The following NCK1 variants were observed in gnomAD, a reference collection of about 807,000 sequenced individuals.
NCK1 encodes NCK adaptor protein 1, also known as SH2/SH3 adapter protein NCK1.
Under a neutral mutation model 36.6 loss-of-function variants are expected in NCK1, and 19 were observed. That is an observed-to-expected ratio of 0.52 (90% confidence interval 0.36 to 0.76). NCK1 has a LOEUF of 0.76. Among genes scored for constraint, NCK1 ranks in the 30% least tolerant of loss-of-function variants. The pLI, the probability that NCK1 is intolerant of heterozygous loss-of-function variation, is 0.00. For synonymous variants in NCK1, 165 were observed against 156.0 expected, an observed-to-expected ratio of 1.06 and a Z score of -0.43; for missense variants, 358 against 445.6, an observed-to-expected ratio of 0.80 and a Z score of 1.77.
Position 136,949,836 on chromosome 3 carries a change from G to A in NCK1, c.*1383G>A, listed in dbSNP as rs1024964812. 6.3e-5 allele frequency: 5 copies of A among 79,618 alleles called. No homozygotes were observed. The highest frequency in any genetic ancestry group is 1.4e-4 in the Non-Finnish European group (5 of 35,240). The allele number at this position is 79,618 out of a possible 1,614,324, so 4.9% of individuals were successfully genotyped here. Reference sequence around the variant, plus strand: ...TGGTAAAATTGAAGTTGTGTAACTTGTGAATTTTTTTTATCAATGTTTTAA... The same window carrying A: ...TGGTAAAATTGAAGTTGTGTAACTTATGAATTTTTTTTATCAATGTTTTAA... On this transcript the variant is annotated 3_prime_UTR_variant, in exon 4 of 4. Transcript: ENST00000481752.
intron 1 of NCK1, among the ~76,000 whole-genome samples, chr3:136,907,062 G>A (rs964215130): frequency 1.3e-5 from 2 of 152,144 alleles, no homozygotes; most frequent in Non-Finnish European, 2.9e-5. Flanking sequence ...CTTGTTACCG[G>A]GAAGGGTGGG....
chr3:136,863,992 T>G (rs1938332623), intron 1 of NCK1, among the ~76,000 whole-genome samples: 1 of 151,522 alleles, frequency 6.6e-6, no homozygotes, highest in Non-Finnish European at 1.5e-5. Context: ...TCCCAGCTAC[T>G]CGGGAGGCTG....
chr3:136,915,269 A>T (rs1004452246), intron 1 of NCK1, among the ~76,000 whole-genome samples: 10 of 152,204 alleles, frequency 6.6e-5, no homozygotes, highest in Non-Finnish European at 1.3e-4. Context: ...TTGAGAAGAT[A>T]AAAGGGACAT....
chr3:136,903,616 G>A (rs1389309213), intron 1 of NCK1, among the ~76,000 whole-genome samples: 2 of 152,028 alleles, frequency 1.3e-5, no homozygotes, highest in Non-Finnish European at 2.9e-5. Context: ...GTGGAGATGG[G>A]GTTTCACCGT....
chr3:136,904,468 G>C (rs1322374947), intron 1 of NCK1, among the ~76,000 whole-genome samples: 1 of 152,100 alleles, frequency 6.6e-6, no homozygotes, highest in Non-Finnish European at 1.5e-5. Flanking sequence ...TCAGCATTTT[G>C]AATATATCAT....
At chr3:136,923,424 C>A (rs556357468) in intron 1 of NCK1, among the ~76,000 whole-genome samples, 2 of 151,882 alleles carry the variant, frequency 1.3e-5, no homozygotes, top group Non-Finnish European at 2.9e-5. Flanking sequence ...GGCATGGTGG[C>A]GGGCACCTGT....
intron 2 of NCK1, among the ~76,000 whole-genome samples, chr3:136,934,473 A>G (rs1576987295): frequency 2.0e-5 from 3 of 151,794 alleles, no homozygotes; most frequent in African/African-American, 7.3e-5. Context: ...TTTAGTAGAG[A>G]TGGGGTTTCA....
chr3:136,913,317 A>C (rs889487598), intron 1 of NCK1, among the ~76,000 whole-genome samples: 18 of 151,790 alleles, frequency 1.2e-4, no homozygotes, highest in African/African-American at 4.4e-4. Context: ...TTGCTTTGTC[A>C]CCCAGGCTGG....
At chr3:136,867,863 A>G (rs879729846) in intron 1 of NCK1, among the ~76,000 whole-genome samples, 2 of 152,078 alleles carry the variant, frequency 1.3e-5, no homozygotes, top group Non-Finnish European at 2.9e-5. Context: ...TTGTGTATTT[A>G]TGCCTTCTCA....
chr3:136,881,775 G>A, intron 1 of NCK1, among the ~76,000 whole-genome samples: 1 of 152,100 alleles, frequency 6.6e-6, no homozygotes, highest in Non-Finnish European at 1.5e-5. Context: ...CATATAAATG[G>A]AATCATATTG....
chr3:136,906,171 CTG>C, intron 1 of NCK1, among the ~76,000 whole-genome samples: 1 of 151,238 alleles, frequency 6.6e-6, no homozygotes, highest in East Asian at 1.9e-4. Context: ...AGTGTAGTCT[CTG>C]TGTGTTTTCT....
At chr3:136,928,666 G>C (rs573091986) in intron 2 of NCK1, 20 of 162,396 alleles carry the variant, frequency 1.2e-4, no homozygotes, top group Non-Finnish European at 1.9e-4. Flanking sequence ...GAGAACTGTG[G>C]ATCATTACTG....
intron 1 of NCK1, among the ~76,000 whole-genome samples, chr3:136,864,495 CA>C (rs1171829431): frequency 1.4e-5 from 2 of 147,328 alleles, no homozygotes; most frequent in African/African-American, 2.5e-5. Context: ...CACACACACA[CA>C]AAAAAAAAAC....
chr3:136,871,640 G>A (rs577617184), intron 1 of NCK1, among the ~76,000 whole-genome samples: 1 of 152,186 alleles, frequency 6.6e-6, no homozygotes, highest in Admixed American at 6.5e-5. Context: ...ATTTTTGCCT[G>A]TTTTTGAACT....
chr3:136,946,637 T>C (rs1940835063), intron 3 of NCK1, among the ~76,000 whole-genome samples: 1 of 151,724 alleles, frequency 6.6e-6, no homozygotes, highest in Non-Finnish European at 1.5e-5. Flanking sequence ...TACTATAGAT[T>C]AAACTGGGAA....
intron 1 of NCK1, among the ~76,000 whole-genome samples, chr3:136,895,546 A>G (rs992526397): frequency 6.6e-6 from 1 of 151,694 alleles, no homozygotes; most frequent in Admixed American, 6.6e-5. Flanking sequence ...TTGAATTTGT[A>G]TGTTGTTTTT....
intron 1 of NCK1, among the ~76,000 whole-genome samples, chr3:136,905,285 G>T (rs971664220): frequency 3.6e-4 from 55 of 152,158 alleles, no homozygotes; most frequent in Non-Finnish European, 4.1e-4. Flanking sequence ...GCCTCCCAAA[G>T]TGCTGGGATT....
intron 2 of NCK1, among the ~76,000 whole-genome samples, chr3:136,944,111 CCTTTTTTT>C (rs1212522272): frequency 3.7e-4 from 30 of 80,920 alleles, no homozygotes; most frequent in African/African-American, 1.3e-3. Flanking sequence ...GGAAAAACAA[CCTTTTTTT>C]TTTTTTTTTT....
chr3:136,869,552 A>G (rs1394909449), intron 1 of NCK1, among the ~76,000 whole-genome samples: 4 of 152,228 alleles, frequency 2.6e-5, no homozygotes, highest in Admixed American at 6.5e-5. Context: ...CAAAAGAAAA[A>G]AAAGAAAGAA....
Sources: allele counts gnomAD v4.1 joint callset (sites outside exome capture counted in the v4.1 genomes callset), GRCh38; gene constraint gnomAD v4.1.1; transcripts MANE v1.5; gene names NCBI Gene and HGNC (gene_info 2026-07-23, HGNC 2026-07-21).